The following SMIM35 variants were observed in gnomAD, a reference collection of about 807,000 sequenced individuals.
The protein encoded by SMIM35 is TMPRSS4 antisense RNA 1 (non-protein coding).
At position 118,027,069 on chromosome 11, in the gene SMIM35, G is replaced by A. The variant is rs112473236; in HGVS notation, c.8-11260C>T. 3.8e-4 allele frequency among the ~76,000 whole-genome samples: 47 copies of A among 122,098 alleles called. 1 individual carries two copies. The Admixed American group carries it at 4.4e-3, about 11-fold the overall frequency. The allele number at this position is 122,098 out of a possible 152,430, so 80.1% of individuals were successfully genotyped here. ...GGAGTCTCGCTCTGTCGCCCAGGCCGGACTGCGGACTGCAGTGGCGCAATC... is the reference window on the plus strand; with the variant it reads ...GGAGTCTCGCTCTGTCGCCCAGGCCAGACTGCGGACTGCAGTGGCGCAATC... On this transcript the variant is annotated intron_variant, in intron 1 of 4. Coordinates refer to ENST00000689828, the MANE Select transcript of SMIM35 (RefSeq NM_001394165.1).
chr11:118,025,418 A>G, intron 1 of SMIM35: 1 of 439,666 alleles, frequency 2.3e-6, no homozygotes, highest in Non-Finnish European at 4.6e-6. Context: ...ACAGTGTGTA[A>G]ACGTTCCCTT....
chr11:118,022,251 A>G (rs2058236740), intron 1 of SMIM35, among the ~76,000 whole-genome samples: 1 of 152,126 alleles, frequency 6.6e-6, no homozygotes, highest in Non-Finnish European at 1.5e-5. Context: ...GGGTTTCACC[A>G]TGTTGGCCAG....
intron 1 of SMIM35, among the ~76,000 whole-genome samples, chr11:118,061,130 A>G (rs1197706067): frequency 6.6e-6 from 1 of 152,222 alleles, no homozygotes; most frequent in Non-Finnish European, 1.5e-5. Flanking sequence ...CACTCGTGAC[A>G]GACACATGAC....
chr11:118,063,767 G>A (rs978820474), intron 1 of SMIM35, among the ~76,000 whole-genome samples: 4 of 152,238 alleles, frequency 2.6e-5, no homozygotes, highest in African/African-American at 9.6e-5. Context: ...CCTAAAAAAG[G>A]ACAGGTAGCT....
chr11:118,047,178 T>G (rs1420380891), intron 1 of SMIM35, among the ~76,000 whole-genome samples: 3 of 152,198 alleles, frequency 2.0e-5, no homozygotes, highest in Non-Finnish European at 4.4e-5. Context: ...CTTGTGTCAG[T>G]GGCCCACATG....
At chr11:118,030,272 T>C (rs1292602655) in intron 1 of SMIM35, among the ~76,000 whole-genome samples, 1 of 152,072 alleles carries the variant, frequency 6.6e-6, no homozygotes, top group Admixed American at 6.6e-5. Context: ...TGACCTCAAG[T>C]GATCCACCCG....
rs533794402 is a variant in SMIM35, at chr11:118,085,326, C to T, written c.7+1425G>A. On this transcript the variant is annotated intron_variant, in intron 1 of 4. Coordinates refer to ENST00000689828, the MANE Select transcript of SMIM35 (RefSeq NM_001394165.1). ...GCAACCTCCGCCTCCCAGGTTCAAG[C>T]GATTCTCCTGCCTCAGCCTCCCGAG... Among the ~76,000 whole-genome samples, 12 of 151,438 alleles carry T rather than the reference C, an allele frequency of 7.9e-5. No individual in the cohort carries two copies. The South Asian group carries it at 1.9e-3, about 24-fold the overall frequency.
chr11:118,033,258 T>C (rs1344695356), intron 1 of SMIM35, among the ~76,000 whole-genome samples: 1 of 152,188 alleles, frequency 6.6e-6, no homozygotes, highest in Non-Finnish European at 1.5e-5. Flanking sequence ...AACAGTTTTG[T>C]CAGGACCATG....
intron 1 of SMIM35, among the ~76,000 whole-genome samples, chr11:118,039,817 G>A (rs1049357557): frequency 2.0e-5 from 3 of 151,780 alleles, no homozygotes; most frequent in Non-Finnish European, 4.4e-5. Context: ...TTGGGAGGCC[G>A]AGGCGGGACT....
intron 1 of SMIM35, among the ~76,000 whole-genome samples, chr11:118,049,541 G>C (rs190981886): frequency 6.6e-6 from 1 of 151,778 alleles, no homozygotes; most frequent in African/African-American, 2.4e-5. Flanking sequence ...TAGAGACGGG[G>C]TTTTGCCATG....
intron 3 of SMIM35, 123 bp downstream of exon 3, chr11:118,014,585 C>T: frequency 2.5e-6 from 1 of 397,816 alleles, no homozygotes. Flanking sequence ...CTTTTATTTT[C>T]TTAGGGGCAT....
intron 4 of SMIM35, 85 bp from the exon 5 acceptor site, chr11:118,006,461 A>T (rs961817449): frequency 3.9e-5 from 6 of 152,230 alleles, no homozygotes; most frequent in Admixed American, 2.6e-4. Flanking sequence ...TGCTACATGC[A>T]GTACTGACTG....
intron 2 of SMIM35, 70 bp downstream of exon 2, chr11:118,015,623 G>C (rs1023072928): frequency 2.5e-5 from 10 of 399,046 alleles, no homozygotes; most frequent in African/African-American, 6.2e-5. Context: ...GCCCTGCCGG[G>C]CATTGCCAAC....
At chr11:118,015,570 C>T (rs1239105576) in intron 2 of SMIM35, 123 bp downstream of exon 2, 4 of 396,058 alleles carry the variant, frequency 1.0e-5, no homozygotes, top group African/African-American at 4.2e-5. Context: ...ACTGCAACCA[C>T]CACAGGAAAT....
At chr11:118,012,628 A>T (rs1397588383) in intron 4 of SMIM35, among the ~76,000 whole-genome samples, 1 of 152,298 alleles carries the variant, frequency 6.6e-6, no homozygotes, top group East Asian at 1.9e-4. Flanking sequence ...CAAAATTGGG[A>T]GTTGGCCATG....
chr11:118,082,566 A>AAAAAG (rs143283208), intron 1 of SMIM35, among the ~76,000 whole-genome samples: 8 of 150,282 alleles, frequency 5.3e-5, no homozygotes, highest in African/African-American at 9.8e-5. Context: ...GTCTCAAAAA[A>AAAAAG]AAAGAAAGAA....
At chr11:118,085,156 T>G (rs1467681888) in intron 1 of SMIM35, among the ~76,000 whole-genome samples, 1 of 151,998 alleles carries the variant, frequency 6.6e-6, no homozygotes, top group South Asian at 2.1e-4. Context: ...AGAAGGAAAC[T>G]GGGTCCAGGA....
At chr11:118,074,039 G>A (rs1308578353) in intron 1 of SMIM35, among the ~76,000 whole-genome samples, 3 of 152,214 alleles carry the variant, frequency 2.0e-5, no homozygotes, top group African/African-American at 7.2e-5. Flanking sequence ...GGGTGAGGAA[G>A]GCTCTGGCCT....
chr11:118,041,301 G>A (rs1438100959), intron 1 of SMIM35, among the ~76,000 whole-genome samples: 1 of 151,946 alleles, frequency 6.6e-6, no homozygotes, highest in Non-Finnish European at 1.5e-5. Flanking sequence ...ACAACACTAC[G>A]GACCAACTAC....
Sources: allele counts gnomAD v4.1 joint callset (sites outside exome capture counted in the v4.1 genomes callset), GRCh38; gene constraint gnomAD v4.1.1; transcripts MANE v1.5; gene names NCBI Gene and HGNC (gene_info 2026-07-23, HGNC 2026-07-21).